The following DNAH14 variants were observed in gnomAD, a reference collection of about 807,000 sequenced individuals.
The protein encoded by DNAH14 is axonemal beta dynein heavy chain 14.
DNAH14 carries 478 observed loss-of-function variants against 520.9 expected under a neutral mutation model. The ratio of observed to expected loss-of-function variants is 0.92; its 90% CI spans 0.85 to 0.99. DNAH14 has a LOEUF of 0.99. Ranked by LOEUF, DNAH14 falls within the 50% of genes least tolerant of loss-of-function variation. The pLI is 0.00. For missense variants in DNAH14, 4,831 were observed against 5,234.5 expected (o/e 0.92, Z 2.38); for synonymous variants, 1,581 against 1,757.2 (o/e 0.90, Z 2.51).
chr1:224,999,923 T>G (rs1250830098), intron 8 of DNAH14, among the ~76,000 whole-genome samples: 2 of 152,322 alleles, frequency 1.3e-5, no homozygotes, highest in East Asian at 3.9e-4. Flanking sequence ...TAATTTTTGC[T>G]TCTGTCATCA....
intron 11 of DNAH14, among the ~76,000 whole-genome samples, chr1:225,033,511 C>T (rs1464363843): frequency 2.0e-5 from 3 of 151,834 alleles, no homozygotes; most frequent in Non-Finnish European, 4.4e-5. Flanking sequence ...TTGGGTGATG[C>T]GGTTCTTCCA....
chr1:225,304,984 A>G lies in DNAH14; in HGVS notation c.8900A>G (p.Glu2967Gly). 1 of 1,546,912 alleles carries G rather than the reference A, an allele frequency of 6.5e-7. No homozygotes were observed. The highest frequency in any genetic ancestry group is 2.4e-5 in the East Asian group (1 of 40,858). ...SMKDLNRKYF[E>G]ETGRFYYTTP... Reference sequence around the variant, plus strand: ...AAAGACTTGAACAGAAAATACTTTGAAGAAACTGGAAGATTTTATTATACC... The same window carrying G: ...AAAGACTTGAACAGAAAATACTTTGGAGAAACTGGAAGATTTTATTATACC... Residue 2967 changes from glutamate (E) to glycine (G), a missense_variant, in exon 58 of 86, where the codon GAA becomes GGA. Coordinates refer to ENST00000682510, the MANE Select transcript of DNAH14 (RefSeq NM_001367479.1).
chr1:225,323,688 C>A (rs1240071665), intron 62 of DNAH14, among the ~76,000 whole-genome samples: 1 of 152,168 alleles, frequency 6.6e-6, no homozygotes, highest in East Asian at 1.9e-4. Flanking sequence ...GTCTTGAACT[C>A]CTGACCTTGT....
At chr1:225,132,198 T>A (rs958324049) in intron 27 of DNAH14, among the ~76,000 whole-genome samples, 1 of 152,058 alleles carries the variant, frequency 6.6e-6, no homozygotes, top group African/African-American at 2.4e-5. Flanking sequence ...TTGTTGTTTT[T>A]TTTTTCATCA....
Position 225,174,283 on chromosome 1 carries a change from G to A in DNAH14, c.5535+6255G>A, listed in dbSNP as rs200702636. On this transcript the variant is annotated intron_variant, in intron 36 of 85. Transcript: ENST00000682510. The stretch of plus-strand genomic sequence containing the variant: ...TAATAAATTTTAAAAAAAGTTAAAA[G>A]AAAAACAATATGAATTCTTGCAATC... Among the ~76,000 whole-genome samples, 5 of 120,876 alleles carry A rather than the reference G, an allele frequency of 4.1e-5. No individual in the cohort carries two copies. The East Asian group carries it at 1.7e-3, about 40-fold the overall frequency. The allele number at this position is 120,876 out of a possible 152,430, so 79.3% of individuals were successfully genotyped here. A position where few individuals can be genotyped will look rare whatever the true frequency, so the allele number is the denominator to read the frequency against.
chr1:225,034,676 CTAGAACTTGACTGTGATT>C (rs2066810598), intron 11 of DNAH14, among the ~76,000 whole-genome samples: 1 of 151,978 alleles, frequency 6.6e-6, no homozygotes, highest in Non-Finnish European at 1.5e-5. Context: ...GGTACATCTG[CTAGAACTTGACTGTGATT>C]TCATCAGGTC....
chr1:225,395,882 G>C (rs1037089509), intron 84 of DNAH14: 1 of 152,194 alleles, frequency 6.6e-6, no homozygotes, highest in African/African-American at 2.4e-5. Flanking sequence ...ACTGCACTAA[G>C]ATGATTCCGA....
In DNAH14 at chr1:225,270,758, T is replaced by C; in HGVS notation, c.7563T>C (p.Val2521=). 6.4e-7 allele frequency: 1 copy of C among 1,551,368 alleles called. No individual in the cohort carries two copies. The highest frequency in any genetic ancestry group is 8.7e-7 in the Non-Finnish European group (1 of 1,146,794). ...AGAATATTCAAGATCTGTCTATAGT[T>C]GCAGCTTGTGTTCCAGTTGTGAATG... ...TWKNIQDLSI[V]AACVPVVNDI... is the part of the protein sequence containing the mutation. The change falls in exon 50 of 86, where the codon GTT becomes GTC. Residue 2521 remains valine, a synonymous_variant. Coordinates refer to ENST00000682510, the MANE Select transcript of DNAH14 (RefSeq NM_001367479.1).
Position 225,374,895 on chromosome 1 carries a change from G to C in DNAH14, c.12516+10G>C. On this transcript the variant is annotated intron_variant, in intron 78 of 85. Transcript: ENST00000682510. ...TTTCTCCAGTGATGGGGTAGGAAAAGAATCAATCTTCTTGCATTTCTCGAT... is the reference window on the plus strand; with the variant it reads ...TTTCTCCAGTGATGGGGTAGGAAAACAATCAATCTTCTTGCATTTCTCGAT... The C allele has an allele frequency of 6.6e-7, 1 of 1,526,550 alleles. No individual in the cohort carries two copies. Among genetic ancestry groups the C allele is most frequent in the Non-Finnish European group, 8.8e-7 (1 of 1,131,210 alleles). The allele number at this position is 1,526,550 out of a possible 1,614,324, so 94.6% of individuals were successfully genotyped here.
intron 81 of DNAH14, among the ~76,000 whole-genome samples, chr1:225,382,902 G>C (rs1344351550): frequency 2.0e-5 from 3 of 152,202 alleles, no homozygotes; most frequent in Non-Finnish European, 4.4e-5. Context: ...CTATCACATG[G>C]ATAAACCTTG....
chr1:224,964,499 A>G lies in DNAH14; in HGVS notation c.388A>G (p.Ile130Val), dbSNP rs753841298. Reference sequence around the variant, plus strand: ...ACCAGAACCAAAAGATGATGATGTGATAAGAAATATTATTAGGCTACGAGA... The same window carrying G: ...ACCAGAACCAAAAGATGATGATGTGGTAAGAAATATTATTAGGCTACGAGA... ...DRTEPKDDDV[I>V]RNIIRLREKL... Residue 130 changes from isoleucine to valine, a missense_variant, in exon 5 of 86, where the codon ATA becomes GTA. Coordinates refer to ENST00000682510, the MANE Select transcript of DNAH14 (RefSeq NM_001367479.1). The G allele has an allele frequency of 2.7e-5, 43 of 1,609,088 alleles. No individual in the cohort carries two copies. The highest frequency in any genetic ancestry group is 3.7e-5 in the Non-Finnish European group (43 of 1,177,176).
At chr1:225,333,240 T>C in intron 65 of DNAH14, 51 bp from the exon 66 acceptor site, 1 of 1,366,438 alleles carries the variant, frequency 7.3e-7, no homozygotes, top group Non-Finnish European at 9.9e-7. Context: ...TTAAAATATC[T>C]CATGATAATA....
chr1:225,078,518 G>A (rs1201699899), intron 17 of DNAH14, among the ~76,000 whole-genome samples: 1 of 152,128 alleles, frequency 6.6e-6, no homozygotes, highest in Non-Finnish European at 1.5e-5. Context: ...TTTGTTAACA[G>A]TAGAAGGATT....
At chr1:225,389,608 A>G (rs1031530534) in intron 82 of DNAH14, 126 bp from the exon 83 acceptor site, 21 of 1,068,738 alleles carry the variant, frequency 2.0e-5, no homozygotes, top group African/African-American at 3.2e-5. Flanking sequence ...GCCTGATAAG[A>G]GTCCTGCATT....
intron 61 of DNAH14, among the ~76,000 whole-genome samples, chr1:225,319,480 A>G (rs2094522663): frequency 6.6e-6 from 1 of 152,158 alleles, no homozygotes; most frequent in Non-Finnish European, 1.5e-5. Flanking sequence ...ACCTACCGTG[A>G]TATTTATAAC....
At chr1:225,357,889 A>G (rs2095448848) in intron 73 of DNAH14, 1 of 700,002 alleles carries the variant, frequency 1.4e-6, no homozygotes, top group East Asian at 2.7e-5. Flanking sequence ...TTTGTATAAA[A>G]CAGTTTTTAT....
chr1:225,105,902 G>A (rs572841884), intron 23 of DNAH14, among the ~76,000 whole-genome samples: 29 of 151,060 alleles, frequency 1.9e-4, no homozygotes, highest in African/African-American at 5.9e-4. Context: ...GGTTAATATC[G>A]TTATGTGTGA....
intron 41 of DNAH14, among the ~76,000 whole-genome samples, chr1:225,210,215 C>G (rs1036261742): frequency 1.3e-5 from 2 of 152,132 alleles, no homozygotes; most frequent in African/African-American, 4.8e-5. Context: ...TGGTCTAGTT[C>G]AGCAGATCCC....
At chr1:225,358,263 G>T (rs1254004850) in intron 73 of DNAH14, among the ~76,000 whole-genome samples, 3 of 152,132 alleles carry the variant, frequency 2.0e-5, no homozygotes, top group East Asian at 1.9e-4. Context: ...GAGTGTGAAA[G>T]ACATAGAGGC....
Sources: allele counts gnomAD v4.1 joint callset (sites outside exome capture counted in the v4.1 genomes callset), GRCh38; gene constraint gnomAD v4.1.1; transcripts MANE v1.5; gene names NCBI Gene and HGNC (gene_info 2026-07-23, HGNC 2026-07-21).